CCDC7: variants seen among roughly 807,000 people sequenced by gnomAD.
CCDC7 encodes the protein coiled-coil domain-containing protein 7.
Under a neutral mutation model 196.9 loss-of-function variants are expected in CCDC7, and 183 were observed. That is an observed-to-expected ratio of 0.93 (90% CI 0.82 to 1.05). The LOEUF (loss-of-function observed/expected upper bound fraction) is 1.05, where lower values mean the gene tolerates loss of function less well. Ranked by LOEUF, CCDC7 falls within the 50% of genes least tolerant of loss-of-function variation. The pLI is 0.00. For synonymous variants in CCDC7, 525 were observed against 484.6 expected (o/e 1.08, Z -1.10); for missense variants, 1,540 against 1,482.2 (o/e 1.04, Z -0.64).
At chr10:32,731,588 C>CT (rs2083975639) in intron 28 of CCDC7, among the ~76,000 whole-genome samples, 1 of 152,098 alleles carries the variant, frequency 6.6e-6, no homozygotes, top group African/African-American at 2.4e-5. Flanking sequence ...AAAATAAAGT[C>CT]TAATTTCAAC....
intron 8 of CCDC7, among the ~76,000 whole-genome samples, chr10:32,491,320 T>C (rs899871737): frequency 2.0e-5 from 3 of 152,204 alleles, no homozygotes; most frequent in African/African-American, 7.2e-5. Context: ...TTCTGTCATA[T>C]ACTTTTTATG....
intron 29 of CCDC7, among the ~76,000 whole-genome samples, chr10:32,797,153 G>T (rs908078065): frequency 6.6e-6 from 1 of 150,570 alleles, no homozygotes; most frequent in African/African-American, 2.4e-5. Context: ...ATAAACTGTG[G>T]TATGTGTATG....
At chr10:32,701,092 G>A (rs2078635549) in intron 24 of CCDC7, among the ~76,000 whole-genome samples, 1 of 152,294 alleles carries the variant, frequency 6.6e-6, no homozygotes, top group Admixed American at 6.5e-5. Context: ...CCAACACTAT[G>A]TTGGATAGGA....
At chr10:32,863,986 G>GT (rs1179444470) in intron 41 of CCDC7, among the ~76,000 whole-genome samples, 1 of 138,906 alleles carries the variant, frequency 7.2e-6, no homozygotes. Flanking sequence ...CTACTGACTG[G>GT]TAAAAAAAAA....
intron 5 of CCDC7, among the ~76,000 whole-genome samples, chr10:32,465,135 C>A (rs566815230): frequency 6.7e-6 from 1 of 148,600 alleles, no homozygotes. Flanking sequence ...AAGTATTCAA[C>A]GAATAAACTG....
At chr10:32,826,177 T>C (rs893636627) in intron 32 of CCDC7, among the ~76,000 whole-genome samples, 2 of 152,194 alleles carry the variant, frequency 1.3e-5, no homozygotes, top group African/African-American at 4.8e-5. Context: ...ATAACTAGAC[T>C]AAAGTCCCAG....
chr10:32,840,973 C>A (rs76016594), intron 33 of CCDC7, among the ~76,000 whole-genome samples: 6,968 of 152,012 alleles, frequency 0.046, 537 homozygotes, highest in African/African-American at 0.16. Context: ...TTAAAACCCT[C>A]GGCAAAATCG....
chr10:32,874,527 CAT>C (rs2094535829), intron 41 of CCDC7, among the ~76,000 whole-genome samples: 1 of 151,656 alleles, frequency 6.6e-6, no homozygotes, highest in African/African-American at 2.4e-5. Context: ...TAAGTGAGAA[CAT>C]GTGGTATTTG....
At chr10:32,535,473 G>T (rs2050324035) in intron 11 of CCDC7, among the ~76,000 whole-genome samples, 1 of 152,128 alleles carries the variant, frequency 6.6e-6, no homozygotes. Flanking sequence ...GTCAGGAAAG[G>T]TGGGACAACT....
At chr10:32,612,544 G>A (rs1430554250) in intron 18 of CCDC7, among the ~76,000 whole-genome samples, 1 of 152,002 alleles carries the variant, frequency 6.6e-6, no homozygotes, top group Non-Finnish European at 1.5e-5. Context: ...AGTATGATAT[G>A]GGCTGTGGGT....
chr10:32,510,989 T>C (rs1268498753), intron 9 of CCDC7, among the ~76,000 whole-genome samples: 1 of 151,174 alleles, frequency 6.6e-6, no homozygotes, highest in African/African-American at 2.4e-5. Context: ...ATAGTACAAA[T>C]GTTTACAAAG....
chr10:32,824,694 G>A, intron 32 of CCDC7, 90 bp downstream of exon 33: 1 of 737,938 alleles, frequency 1.4e-6, no homozygotes, highest in Non-Finnish European at 2.2e-6. Flanking sequence ...GTACCTATAT[G>A]TAATTATCAC....
intron 13 of CCDC7, among the ~76,000 whole-genome samples, chr10:32,551,105 A>T (rs1589781344): frequency 6.6e-6 from 1 of 152,048 alleles, no homozygotes; most frequent in Non-Finnish European, 1.5e-5. Context: ...CAGAGCATCT[A>T]ATTCTTCCTG....
intron 25 of CCDC7, among the ~76,000 whole-genome samples, chr10:32,712,412 G>A (rs2080980951): frequency 6.6e-6 from 1 of 152,156 alleles, no homozygotes; most frequent in Admixed American, 6.5e-5. Context: ...ATTTCACTTG[G>A]GTTTTAGGTC....
At chr10:32,613,680 C>G (rs886671859) in intron 18 of CCDC7, among the ~76,000 whole-genome samples, 1 of 152,150 alleles carries the variant, frequency 6.6e-6, no homozygotes, top group Non-Finnish European at 1.5e-5. Flanking sequence ...ACACAGTAGT[C>G]ATACAAGAGC....
At chr10:32,868,630 C>T (rs983712163) in intron 41 of CCDC7, among the ~76,000 whole-genome samples, 6 of 152,032 alleles carry the variant, frequency 3.9e-5, no homozygotes, top group Admixed American at 1.3e-4. Flanking sequence ...AGGTTAGTTA[C>T]ATATGTATCC....
intron 28 of CCDC7, among the ~76,000 whole-genome samples, chr10:32,730,451 A>G (rs897918488): frequency 6.6e-6 from 1 of 152,008 alleles, no homozygotes; most frequent in African/African-American, 2.4e-5. Flanking sequence ...TTTGGTACCA[A>G]AAATTTTAAG....
At chr10:32,498,952 G>A (rs1564463073) in intron 9 of CCDC7, among the ~76,000 whole-genome samples, 1 of 151,910 alleles carries the variant, frequency 6.6e-6, no homozygotes, top group African/African-American at 2.4e-5. Context: ...GATTGGGGTA[G>A]TTCTCCTGTA....
At chr10:32,528,681 CAT>C (rs1234821024) in intron 11 of CCDC7, among the ~76,000 whole-genome samples, 5 of 127,276 alleles carry the variant, frequency 3.9e-5, no homozygotes, top group Non-Finnish European at 6.9e-5. Flanking sequence ...TATATATATG[CAT>C]ATATATACAC....
Sources: gnomAD v4.1 joint callset for allele counts (sites outside exome capture counted in the v4.1 genomes callset) on GRCh38, gnomAD v4.1.1 for gene constraint, MANE v1.5 for transcripts, NCBI Gene and HGNC (gene_info 2026-07-23, HGNC 2026-07-21) for gene names.